The following CAMTA1 variants were observed in gnomAD, a reference collection of about 807,000 sequenced individuals.
The protein encoded by CAMTA1 is calmodulin binding transcription activator 1.
CAMTA1 carries 27 observed loss-of-function variants against 170.9 expected under a neutral mutation model. The ratio of observed to expected loss-of-function variants is 0.16; its 90% CI spans 0.12 to 0.22. The LOEUF is 0.22. Ranked by LOEUF, CAMTA1 falls within the 10% of genes least tolerant of loss-of-function variation. CAMTA1 has a pLI of 1.00. For synonymous variants in CAMTA1, 833 were observed against 891.5 expected (o/e 0.93, Z 1.17); for missense variants, 1,619 against 2,217.2 (o/e 0.73, Z 5.42).
In CAMTA1 at chr1:7,585,036, C is replaced by A. The variant is rs1414413280; in HGVS notation, c.511-55364C>A. 6.6e-6 allele frequency among the ~76,000 whole-genome samples: 1 copy of A among 152,084 alleles called. No homozygotes were observed. The highest frequency in any genetic ancestry group is 1.9e-4 in the East Asian group (1 of 5,186). ...CCCCGGCGGGATGTGGAGTAGCACC[C>A]CATAATCAGATGCATTAATATTTCT... On this transcript the variant is annotated intron_variant, in intron 6 of 22. Transcript: ENST00000303635. The surrounding 1 kb of genome is among the most constrained non-coding windows in gnomAD (Gnocchi z 4.8).
At chr1:7,126,359 A>G (rs962908760) in intron 4 of CAMTA1, among the ~76,000 whole-genome samples, 1 of 152,108 alleles carries the variant, frequency 6.6e-6, no homozygotes, top group Non-Finnish European at 1.5e-5. Flanking sequence ...CCCTAATTCA[A>G]TCTGCTGCAA....
chr1:7,597,880 G>A (rs572556245), intron 6 of CAMTA1, among the ~76,000 whole-genome samples: 12 of 150,866 alleles, frequency 8.0e-5, no homozygotes, highest in African/African-American at 2.9e-4. Context: ...GTGCAGGTTT[G>A]TTACACAGGT....
chr1:7,287,675 A>G (rs533762334), intron 5 of CAMTA1, among the ~76,000 whole-genome samples: 8 of 152,324 alleles, frequency 5.3e-5, no homozygotes, highest in Non-Finnish European at 8.8e-5. Context: ...CAAGCCCTGG[A>G]ATGCCAGTGG....
chr1:7,155,857 T>C (rs1646847725), intron 4 of CAMTA1, among the ~76,000 whole-genome samples: 1 of 152,166 alleles, frequency 6.6e-6, no homozygotes, highest in Non-Finnish European at 1.5e-5. Flanking sequence ...TGCACGTGCC[T>C]GGGTGTGGGT....
intron 3 of CAMTA1, among the ~76,000 whole-genome samples, chr1:6,849,199 G>A (rs1659461215): frequency 5.3e-5 from 8 of 152,180 alleles, no homozygotes; most frequent in Admixed American, 4.6e-4. Flanking sequence ...TGGTGGTACT[G>A]TAGATAATGA....
rs557464944 is a variant in CAMTA1 at position 7,748,570 on chromosome 1, T to C, written c.4689+789T>C. On this transcript the variant is annotated intron_variant, in intron 19 of 22. Coordinates refer to ENST00000303635, the MANE Select transcript of CAMTA1 (RefSeq NM_015215.4). This position sits in a 1 kb window ranked among gnomAD's most constrained non-coding sequence, Gnocchi z 4.7. ...AATACTTTGATAAACTCCCTAGTAA[T>C]TAGAGAACTGTAGGGAATCCAGGGT... is the stretch of plus-strand genomic sequence containing the variant. Among the ~76,000 whole-genome samples, 1 of 152,310 alleles carries C rather than the reference T, an allele frequency of 6.6e-6. No homozygotes were observed. Among genetic ancestry groups the C allele is most frequent in the South Asian group, 2.1e-4 (1 of 4,822 alleles).
At chr1:7,477,836 T>C (rs926304879) in intron 6 of CAMTA1, among the ~76,000 whole-genome samples, 2 of 152,130 alleles carry the variant, frequency 1.3e-5, no homozygotes, top group African/African-American at 4.8e-5. Context: ...AGGGGCACCC[T>C]CTGCTCCCGC....
chr1:7,182,260 G>C (rs1278990711), intron 4 of CAMTA1, among the ~76,000 whole-genome samples: 2 of 152,142 alleles, frequency 1.3e-5, no homozygotes, highest in African/African-American at 2.4e-5. Context: ...ACTAGAAGTG[G>C]CTGGGCACAG....
At chr1:7,139,277 ATATT>A (rs1269273049) in intron 4 of CAMTA1, among the ~76,000 whole-genome samples, 1 of 142,816 alleles carries the variant, frequency 7.0e-6, no homozygotes, top group African/African-American at 2.5e-5. Flanking sequence ...TAATATAAAT[ATATT>A]TATATTTATA....
chr1:7,338,800 T>C (rs2083581637), intron 5 of CAMTA1, among the ~76,000 whole-genome samples: 1 of 152,264 alleles, frequency 6.6e-6, no homozygotes, highest in Admixed American at 6.5e-5. Flanking sequence ...TGATGTCTAT[T>C]GGACTAGTCC....
intron 6 of CAMTA1, among the ~76,000 whole-genome samples, chr1:7,612,808 C>G (rs1348070826): frequency 6.6e-6 from 1 of 152,208 alleles, no homozygotes; most frequent in Non-Finnish European, 1.5e-5. Context: ...GGGGCCAAAA[C>G]CACCCTTTGC....
intron 5 of CAMTA1, among the ~76,000 whole-genome samples, chr1:7,308,829 T>C (rs1260095024): frequency 6.6e-6 from 1 of 152,166 alleles, no homozygotes; most frequent in Non-Finnish European, 1.5e-5. Context: ...CAACTATCAG[T>C]TGGAGTTGGT....
chr1:7,745,920 C>T lies in CAMTA1; in HGVS notation c.4446C>T (p.Ile1482=), dbSNP rs1362730707. 8 of 1,614,208 alleles carry T rather than the reference C, an allele frequency of 5.0e-6. No homozygotes were observed. The highest frequency in any genetic ancestry group is 3.3e-5 in the South Asian group (3 of 91,082). ...CTGTTGGCTCTCCCGTCAGTGAAAT[C>T]GCTTTCGAGAAACCTAACCTTCCCT... The part of the protein sequence containing the change: ...LSPVGSPVSE[I]AFEKPNLPSA... The change falls in exon 18 of 23, where the codon ATC becomes ATT. Residue 1482 remains isoleucine (I), a synonymous_variant. Transcript: ENST00000303635.
chr1:7,736,846 C>T lies in CAMTA1; in HGVS notation c.3264-85C>T. 4 of 1,135,570 alleles carry T rather than the reference C, an allele frequency of 3.5e-6. No homozygotes were observed. In the South Asian group the frequency reaches 4.0e-5, roughly 11 times the overall value. The allele number at this position is 1,135,570 out of a possible 1,614,324, so 70.3% of individuals were successfully genotyped here. A position where few individuals can be genotyped will look rare whatever the true frequency, so the allele number is the denominator to read the frequency against. On this transcript the variant is annotated intron_variant, in intron 13 of 22. Coordinates refer to ENST00000303635, the MANE Select transcript of CAMTA1 (RefSeq NM_015215.4). The surrounding 1 kb of genome is among the most constrained non-coding windows in gnomAD (Gnocchi z 4.5). Reference sequence around the variant, plus strand: ...GGATGTTATATACCCAGTTGGGTTTCATCTTGGTGGGGTTTTATAATATTC... The same window carrying T: ...GGATGTTATATACCCAGTTGGGTTTTATCTTGGTGGGGTTTTATAATATTC...
intron 1 of CAMTA1, among the ~76,000 whole-genome samples, chr1:6,811,728 A>G (rs1381272413): frequency 1.3e-5 from 2 of 152,124 alleles, no homozygotes; most frequent in Non-Finnish European, 2.9e-5. Flanking sequence ...CGTAAAATTC[A>G]CTTTTGGCCT....
chr1:6,880,373 C>CAG (rs1671175444), intron 3 of CAMTA1, among the ~76,000 whole-genome samples: 1 of 146,318 alleles, frequency 6.8e-6, no homozygotes, highest in Non-Finnish European at 1.5e-5. Flanking sequence ...CAGGCCCAGC[C>CAG]TCTAAAAGTG....
chr1:6,894,140 T>C (rs924974578), intron 3 of CAMTA1, among the ~76,000 whole-genome samples: 5 of 152,086 alleles, frequency 3.3e-5, no homozygotes, highest in African/African-American at 9.7e-5. Context: ...TGGTGTGACA[T>C]ATGAATGAAC....
chr1:7,704,455 G>C (rs1044937620), intron 11 of CAMTA1, among the ~76,000 whole-genome samples: 1 of 146,152 alleles, frequency 6.8e-6, no homozygotes, highest in South Asian at 2.1e-4. Flanking sequence ...CGTCGCGAGG[G>C]ACCGGGGGCC....
chr1:7,538,649 C>T (rs751836923), intron 6 of CAMTA1, among the ~76,000 whole-genome samples: 2 of 152,194 alleles, frequency 1.3e-5, no homozygotes, highest in Non-Finnish European at 2.9e-5. Context: ...GACCAAGACC[C>T]TGTCTCTCAA....
Sources: allele counts gnomAD v4.1 joint callset (sites outside exome capture counted in the v4.1 genomes callset), GRCh38; gene constraint gnomAD v4.1.1; non-coding constraint Gnocchi (gnomAD v3.1); transcripts MANE v1.5; gene names NCBI Gene and HGNC (gene_info 2026-07-23, HGNC 2026-07-21).